The following MYO3B variants were observed in gnomAD, a reference collection of about 807,000 sequenced individuals.
MYO3B encodes the protein myosin-IIIb.
A neutral mutation model predicts 174.6 loss-of-function variants in MYO3B; 156 were observed. That is an observed-to-expected ratio of 0.89 (90% CI 0.78 to 1.02). MYO3B has a LOEUF of 1.02. Ranked by LOEUF, MYO3B falls within the 50% of genes least tolerant of loss-of-function variation. MYO3B has a pLI of 0.00. For synonymous variants in MYO3B, 563 were observed against 569.1 expected (o/e 0.99, Z 0.15); for missense variants, 1,632 against 1,639.4 (o/e 1.00, Z 0.08).
intron 8 of MYO3B, among the ~76,000 whole-genome samples, chr2:170,360,967 C>A (rs541789387): frequency 5.9e-5 from 9 of 152,312 alleles, no homozygotes; most frequent in African/African-American, 2.2e-4. Flanking sequence ...CTTAGGTCAT[C>A]TGATAGAGCA....
intron 32 of MYO3B, among the ~76,000 whole-genome samples, chr2:170,648,420 A>C (rs1698543580): frequency 6.6e-6 from 1 of 151,970 alleles, no homozygotes; most frequent in South Asian, 2.1e-4. Context: ...ACTTGAGGTC[A>C]GGAGTTCGAG....
chr2:170,469,850 C>T (rs1684865230), intron 25 of MYO3B, among the ~76,000 whole-genome samples: 1 of 152,048 alleles, frequency 6.6e-6, no homozygotes, highest in Non-Finnish European at 1.5e-5. Flanking sequence ...CACCTGTAAT[C>T]CCAGCACTTT....
intron 11 of MYO3B, among the ~76,000 whole-genome samples, chr2:170,383,410 G>A (rs1168857242): frequency 6.6e-6 from 1 of 152,156 alleles, no homozygotes; most frequent in Non-Finnish European, 1.5e-5. Context: ...CGTGCTTACT[G>A]CGTGTTAGAC....
At chr2:170,358,525 T>C (rs962693628) in intron 8 of MYO3B, among the ~76,000 whole-genome samples, 1 of 152,162 alleles carries the variant, frequency 6.6e-6, no homozygotes, top group Non-Finnish European at 1.5e-5. Flanking sequence ...TGCACAACTG[T>C]GTGAATATAT....
intron 32 of MYO3B, among the ~76,000 whole-genome samples, chr2:170,568,362 T>C (rs1692210716): frequency 6.6e-6 from 1 of 152,250 alleles, no homozygotes; most frequent in Non-Finnish European, 1.5e-5. Flanking sequence ...CCGTCTGGGC[T>C]TTTCTGCTTC....
chr2:170,203,930 AAGAG>A (rs1274402224), intron 3 of MYO3B, among the ~76,000 whole-genome samples: 1 of 152,136 alleles, frequency 6.6e-6, no homozygotes, highest in African/African-American at 2.4e-5. Flanking sequence ...TGTTCAACAA[AAGAG>A]AGAGAGTTAA....
At chr2:170,258,140 G>T (rs957315947) in intron 7 of MYO3B, among the ~76,000 whole-genome samples, 2 of 152,064 alleles carry the variant, frequency 1.3e-5, no homozygotes, top group Non-Finnish European at 2.9e-5. Flanking sequence ...AATTCTACCA[G>T]ACAGACAAAG....
chr2:170,500,266 G>A (rs1012655532), intron 27 of MYO3B, among the ~76,000 whole-genome samples: 1 of 152,198 alleles, frequency 6.6e-6, no homozygotes, highest in Non-Finnish European at 1.5e-5. Flanking sequence ...GGGAAGTGGA[G>A]GATGTAGATA....
chr2:170,375,010 A>G (rs1466316950), intron 9 of MYO3B, among the ~76,000 whole-genome samples: 2 of 152,210 alleles, frequency 1.3e-5, no homozygotes. Context: ...TTACTCTTTT[A>G]AAGGAGTAAG....
chr2:170,482,643 A>T (rs764473505), intron 25 of MYO3B, among the ~76,000 whole-genome samples: 1 of 152,276 alleles, frequency 6.6e-6, no homozygotes, highest in Non-Finnish European at 1.5e-5. Context: ...ACACTTGGTT[A>T]GTGCAGTAAA....
At chr2:170,212,174 C>T (rs1468229656) in intron 3 of MYO3B, among the ~76,000 whole-genome samples, 2 of 149,124 alleles carry the variant, frequency 1.3e-5, no homozygotes, top group South Asian at 2.2e-4. Context: ...ACCCAGGGGG[C>T]GGAGTTTGTG....
At chr2:170,550,668 G>T in intron 32 of MYO3B, among the ~76,000 whole-genome samples, 1 of 152,272 alleles carries the variant, frequency 6.6e-6, no homozygotes, top group Middle Eastern at 3.4e-3. Context: ...AGACTAATAC[G>T]ATTATAATAT....
chr2:170,410,899 A>C (rs1238393506), intron 22 of MYO3B, among the ~76,000 whole-genome samples: 1 of 152,080 alleles, frequency 6.6e-6, no homozygotes, highest in African/African-American at 2.4e-5. Flanking sequence ...AGAGAAAAAA[A>C]AAGCTTGATG....
At chr2:170,244,194 C>G (rs2093166215) in intron 7 of MYO3B, among the ~76,000 whole-genome samples, 3 of 152,134 alleles carry the variant, frequency 2.0e-5, no homozygotes, top group Admixed American at 2.0e-4. Flanking sequence ...TCTATAGGGT[C>G]CTTTTAGCCC....
intron 32 of MYO3B, among the ~76,000 whole-genome samples, chr2:170,562,134 G>A (rs530130426): frequency 2.6e-5 from 4 of 152,180 alleles, no homozygotes; most frequent in African/African-American, 9.6e-5. Flanking sequence ...ATGAAGATTG[G>A]GATAATATTT....
At chr2:170,564,824 G>A (rs1219835362) in intron 32 of MYO3B, among the ~76,000 whole-genome samples, 2 of 152,034 alleles carry the variant, frequency 1.3e-5, no homozygotes, top group Admixed American at 1.3e-4. Context: ...AGTATTTAAT[G>A]TGTGGAAGAC....
intron 32 of MYO3B, among the ~76,000 whole-genome samples, chr2:170,632,830 C>T (rs1458424510): frequency 8.0e-6 from 1 of 124,690 alleles, no homozygotes; most frequent in African/African-American, 2.8e-5. Flanking sequence ...GAAATACAAA[C>T]TACCATCAGA....
At chr2:170,360,543 C>A (rs2094152900) in intron 8 of MYO3B, among the ~76,000 whole-genome samples, 1 of 152,160 alleles carries the variant, frequency 6.6e-6, no homozygotes, top group Admixed American at 6.5e-5. Context: ...GAGAAAGTAG[C>A]TAACTAATGA....
rs367633802 is a variant in MYO3B, at chr2:170,369,248, G to A, written c.842G>A (p.Arg281Gln). 1.7e-5 allele frequency: 28 copies of A among 1,612,836 alleles called. No individual in the cohort carries two copies. In the East Asian group the frequency reaches 1.8e-4, roughly 10 times the overall value. ...SQCLIKDFER[R>Q]PSVTHLLDHP... ...TGTCTTATTAAGGATTTTGAAAGGC[G>A]ACCTTCCGTCACACATCTCCTTGAC... Residue 281 changes from arginine (R) to glutamine (Q), a missense_variant, in exon 9 of 35, where the codon CGA (arginine) becomes CAA (glutamine). Transcript: ENST00000408978.
Sources: gnomAD v4.1 joint callset for allele counts (sites outside exome capture counted in the v4.1 genomes callset) on GRCh38, gnomAD v4.1.1 for gene constraint, MANE v1.5 for transcripts, NCBI Gene and HGNC (gene_info 2026-07-23, HGNC 2026-07-21) for gene names.